Variants in SPATC1L observed in about 807,000 individuals in gnomAD.
SPATC1L encodes speriolin-like protein.
Under a neutral mutation model 21.2 loss-of-function variants are expected in SPATC1L, and 20 were observed. The observed-to-expected ratio is 0.94, with a 90% CI of 0.66 to 1.37. The LOEUF is 1.37. Among genes scored for constraint, SPATC1L ranks in the 40% most tolerant of loss-of-function variants. The probability of loss-of-function intolerance (pLI) is 0.00; values close to 1 mark genes in which losing one functional copy is unlikely to be tolerated. For missense variants in SPATC1L, 499 were observed against 478.7 expected, an observed-to-expected ratio of 1.04 and a Z score of -0.40; for synonymous variants, 290 against 234.5, an observed-to-expected ratio of 1.24 and a Z score of -2.16.
At chr21:46,170,731 G>A (rs1440264237) in intron 2 of SPATC1L, among the ~76,000 whole-genome samples, 3 of 123,590 alleles carry the variant, frequency 2.4e-5, no homozygotes, top group South Asian at 2.5e-4. Flanking sequence ...TGCTCTGTGA[G>A]CATCCTCTGT....
chr21:46,165,539 T>C (rs1188293147), intron 3 of SPATC1L, among the ~76,000 whole-genome samples: 8 of 147,788 alleles, frequency 5.4e-5, no homozygotes, highest in Admixed American at 5.3e-4. Flanking sequence ...TAGCCTCTCC[T>C]GTAGAAGCCT....
In SPATC1L at chr21:46,163,590, C is replaced by T. The variant is rs28826004; in HGVS notation, c.545-1523G>A. ...TGGATACCTCTTTGTTCCAGCACCACGCGTTAGACAGTATTCAGTCCCTCC... is the reference window on the plus strand; with the variant it reads ...TGGATACCTCTTTGTTCCAGCACCATGCGTTAGACAGTATTCAGTCCCTCC... On this transcript the variant is annotated intron_variant, in intron 3 of 4. Coordinates refer to ENST00000291672, the MANE Select transcript of SPATC1L (RefSeq NM_001142854.2). 2.2e-3 allele frequency among the ~76,000 whole-genome samples: 331 copies of T among 152,322 alleles called. 1 individual carries two copies. Among genetic ancestry groups the T allele is most frequent in the African/African-American group, 7.4e-3 (307 of 41,568 alleles).
chr21:46,182,291 G>C (rs2079680462), intron 2 of SPATC1L, among the ~76,000 whole-genome samples: 2 of 152,222 alleles, frequency 1.3e-5, no homozygotes, highest in Non-Finnish European at 2.9e-5. Context: ...GCCAGGACCA[G>C]CCTGGAAGAG....
intron 3 of SPATC1L, among the ~76,000 whole-genome samples, chr21:46,162,777 G>A (rs2079512063): frequency 6.6e-6 from 1 of 151,996 alleles, no homozygotes; most frequent in African/African-American, 2.4e-5. Flanking sequence ...AGTAGAGCTG[G>A]GGTTTCACCC....
rs566327442 is a variant in SPATC1L at position 46,168,723 on chromosome 21, A to G, written c.194-65T>C. ...CTCCTAAAACATTCCTGGGAAGTAT[A>G]AAGAACATGTTAACAACCCCTATGC... is the stretch of plus-strand genomic sequence containing the variant. On this transcript the variant is annotated intron_variant, in intron 2 of 4. Coordinates refer to ENST00000291672, the MANE Select transcript of SPATC1L (RefSeq NM_001142854.2). The G allele has an allele frequency of 1.1e-5, 13 of 1,182,852 alleles. No homozygotes were observed. The South Asian group carries it at 3.6e-4, about 33-fold the overall frequency. The allele number at this position is 1,182,852 out of a possible 1,614,324, so 73.3% of individuals were successfully genotyped here.
intron 3 of SPATC1L, among the ~76,000 whole-genome samples, chr21:46,165,923 C>T (rs79683634): frequency 0.11 from 16,082 of 152,128 alleles, 1,484 homozygotes; most frequent in African/African-American, 0.25. Context: ...ATTCAAGGCT[C>T]GGGTAGTTTC....
chr21:46,175,909 C>A (rs548828427), intron 2 of SPATC1L, among the ~76,000 whole-genome samples: 11 of 152,248 alleles, frequency 7.2e-5, no homozygotes, highest in Admixed American at 3.9e-4. Context: ...AAATCCTCAA[C>A]AAAATTCTGG....
chr21:46,178,291 A>T (rs1219425427), intron 2 of SPATC1L, among the ~76,000 whole-genome samples: 1 of 151,020 alleles, frequency 6.6e-6, no homozygotes, highest in African/African-American at 2.4e-5. Flanking sequence ...ATGAACATGG[A>T]TGGAGCTGGA....
intron 2 of SPATC1L, among the ~76,000 whole-genome samples, chr21:46,177,324 C>G (rs1329177699): frequency 6.6e-6 from 1 of 152,106 alleles, no homozygotes; most frequent in African/African-American, 2.4e-5. Flanking sequence ...AAACAGCAAA[C>G]CTACAGAATG....
chr21:46,183,135 G>A lies in SPATC1L; in HGVS notation c.-319C>T, dbSNP rs2079689768. 2.7e-6 allele frequency: 1 copy of A among 374,946 alleles called. No individual in the cohort carries two copies. Among genetic ancestry groups the A allele is most frequent in the South Asian group, 5.7e-5 (1 of 17,528 alleles). 23.2% of individuals were successfully genotyped at this position (374,946 alleles called of 1,614,324 possible). ...GATGTAGCGACTGTACTCCAAGAGG[G>A]GCGTCCAAGCCACTCCCCATTGAGC... is the stretch of plus-strand genomic sequence containing the variant. On this transcript the variant is annotated 5_prime_UTR_variant, in exon 2 of 5. Coordinates refer to ENST00000291672, the MANE Select transcript of SPATC1L (RefSeq NM_001142854.2).
chr21:46,162,173 C>T (rs1316220904), intron 3 of SPATC1L, 106 bp from the exon 4 acceptor site: 10 of 1,217,272 alleles, frequency 8.2e-6, no homozygotes, highest in Admixed American at 5.2e-5. Context: ...CCCCTCCTCC[C>T]ACCTGCCGCC....
In SPATC1L at chr21:46,183,569, G is replaced by C. The variant is rs1285506719; in HGVS notation, c.-753C>G. 5 of 112,772 alleles carry C rather than the reference G, an allele frequency of 4.4e-5. No individual in the cohort carries two copies. The highest frequency in any genetic ancestry group is 1.8e-4 in the African/African-American group (4 of 21,630). The allele number at this position is 112,772 out of a possible 1,614,324, so 7.0% of individuals were successfully genotyped here. On this transcript the variant is annotated 5_prime_UTR_variant, in exon 2 of 5. Transcript: ENST00000291672. ...GCCTGGGCGGGGAGATCAGCCTGGG[G>C]GAGGAGACCAGCCTGGTGAGGAGAC...
Position 46,161,996 on chromosome 21 carries a change from GGCGGTCCAGCTGGAA to G in SPATC1L, c.601_615del (p.Phe201_Arg205del). The G allele has an allele frequency of 6.2e-7, 1 of 1,604,430 alleles. No homozygotes were observed. Among genetic ancestry groups the G allele is most frequent in the Non-Finnish European group, 8.5e-7 (1 of 1,177,656 alleles). ...CCCGGGAACACGTAGGCCAGGATGC[GGCGGTCCAGCTGGAA>G]GGCGATCTCGCCCACCACGCGCGCG... On this transcript the variant is annotated inframe_deletion, in exon 4 of 5. Coordinates refer to ENST00000291672, the MANE Select transcript of SPATC1L (RefSeq NM_001142854.2).
chr21:46,182,802 G>A lies in SPATC1L; in HGVS notation c.15C>T (p.Gly5=), dbSNP rs1013458020. Residue 5 remains glycine (G), a synonymous_variant, in exon 2 of 5, where the codon GGC becomes GGT. Transcript: ENST00000291672. The part of the protein sequence containing the change: MAEG[G]ELMSRLLSEN... Reference sequence around the variant, plus strand: ...CGCTCAGGAGCCGGCTCATCAGCTCGCCGCCTTCAGCCATGGCGGGTGCGT... The same window carrying A: ...CGCTCAGGAGCCGGCTCATCAGCTCACCGCCTTCAGCCATGGCGGGTGCGT... 6.5e-6 allele frequency: 10 copies of A among 1,539,726 alleles called. No homozygotes were observed. Among genetic ancestry groups the A allele is most frequent in the Admixed American group, 4.0e-5 (2 of 50,364 alleles).
Position 46,168,394 on chromosome 21 carries a change from C to G in SPATC1L, c.458G>C (p.Arg153Thr), listed in dbSNP as rs1035329275. ...SLVDKTLLEP[R>T]EMVRPKKVCF... Reference sequence around the variant, plus strand: ...CACCTTCTTAGGCCGGACCATCTCCCTGGGCTCCAGCAGGGTCTTGTCCAC... The same window carrying G: ...CACCTTCTTAGGCCGGACCATCTCCGTGGGCTCCAGCAGGGTCTTGTCCAC... Residue 153 changes from arginine (R) to threonine (T), a missense_variant, in exon 3 of 5, where the codon AGG (arginine) becomes ACG (threonine). Physicochemically the swap from Arg to Thr is moderately conservative, Grantham distance 71. Transcript: ENST00000291672. 1 of 1,613,036 alleles carries G rather than the reference C, an allele frequency of 6.2e-7. No individual in the cohort carries two copies. Among genetic ancestry groups the G allele is most frequent in the Non-Finnish European group, 8.5e-7 (1 of 1,179,246 alleles).
rs974814601 is a variant in SPATC1L, at chr21:46,182,753, C to T, written c.64G>A (p.Val22Met). Residue 22 changes from valine to methionine, a missense_variant, in exon 2 of 5, where the codon GTG becomes ATG. Coordinates refer to ENST00000291672, the MANE Select transcript of SPATC1L (RefSeq NM_001142854.2). The part of the protein sequence containing the change: ...LSENADLKKQ[V>M]RLLKENQMLR... ...ATCTGATTCTCCTTCAGGAGGCGCA[C>T]CTGCTTCTTCAGGTCCGCGTTCTCG... 3 of 1,547,920 alleles carry T rather than the reference C, an allele frequency of 1.9e-6. No individual in the cohort carries two copies. The highest frequency in any genetic ancestry group is 3.9e-5 in the Admixed American group (2 of 50,946).
chr21:46,167,284 A>G, intron 3 of SPATC1L, among the ~76,000 whole-genome samples: 1 of 152,254 alleles, frequency 6.6e-6, no homozygotes, highest in East Asian at 1.9e-4. Context: ...CAAAAGCCAT[A>G]CTAAGAGCTA....
intron 3 of SPATC1L, among the ~76,000 whole-genome samples, chr21:46,165,547 C>A (rs1002595206): frequency 8.1e-6 from 1 of 123,432 alleles, no homozygotes; most frequent in African/African-American, 4.2e-5. Flanking sequence ...CCTGTAGAAG[C>A]CTTCTGACTT....
chr21:46,164,624 T>C (rs2079527101), intron 3 of SPATC1L, among the ~76,000 whole-genome samples: 1 of 151,808 alleles, frequency 6.6e-6, no homozygotes. Flanking sequence ...AAACCCCATC[T>C]CTACTAAAAA....
Sources: gnomAD v4.1 joint callset for allele counts (sites outside exome capture counted in the v4.1 genomes callset) on GRCh38, gnomAD v4.1.1 for gene constraint, MANE v1.5 for transcripts, NCBI Gene and HGNC (gene_info 2026-07-23, HGNC 2026-07-21) for gene names.